Variants in PDE1C observed in about 807,000 individuals in gnomAD.
PDE1C encodes the protein phosphodiesterase 1C.
PDE1C carries 62 observed loss-of-function variants against 93.1 expected under a neutral mutation model. The ratio of observed to expected loss-of-function variants is 0.67; its 90% CI spans 0.54 to 0.82. The LOEUF (loss-of-function observed/expected upper bound fraction) is 0.82. PDE1C is among the 40% of genes least tolerant of loss of function. The pLI is 0.00. For synonymous variants in PDE1C, 325 were observed against 310.1 expected (o/e 1.05, Z -0.50); for missense variants, 742 against 884.6 (o/e 0.84, Z 2.04).
intron 14 of PDE1C, among the ~76,000 whole-genome samples, chr7:31,822,354 C>T (rs549184994): frequency 1.3e-5 from 2 of 152,188 alleles, no homozygotes; most frequent in African/African-American, 4.8e-5. Flanking sequence ...GCTACCTGTG[C>T]ACAAGGGCAT....
chr7:32,125,203 A>G (rs923694468), intron 3 of PDE1C, among the ~76,000 whole-genome samples: 2 of 152,200 alleles, frequency 1.3e-5, no homozygotes, highest in African/African-American at 2.4e-5. Flanking sequence ...GCAATTATTA[A>G]AAAGTCAAGA....
chr7:31,626,453 T>G, the PDE1C span, among the ~76,000 whole-genome samples: 1 of 152,174 alleles, frequency 6.6e-6, no homozygotes, highest in African/African-American at 2.4e-5. Flanking sequence ...TAGAAGTAAG[T>G]TTTCCCACTA....
downstream of PDE1C, among the ~76,000 whole-genome samples, chr7:31,749,559 G>C (rs374694941): frequency 6.6e-6 from 1 of 152,040 alleles, no homozygotes; most frequent in African/African-American, 2.4e-5. Flanking sequence ...TGTGGTGTAG[G>C]GGGTGAGAAG....
chr7:32,176,438 T>G (rs1802991401), intron 2 of PDE1C, among the ~76,000 whole-genome samples: 1 of 152,212 alleles, frequency 6.6e-6, no homozygotes, highest in Non-Finnish European at 1.5e-5. Flanking sequence ...TGGGAATAAG[T>G]AAGACAGGTT....
At chr7:31,856,831 G>A (rs917301101) in intron 7 of PDE1C, among the ~76,000 whole-genome samples, 4 of 152,232 alleles carry the variant, frequency 2.6e-5, no homozygotes, top group South Asian at 2.1e-4. Flanking sequence ...CACGGGCTGC[G>A]TGGCTTAAAC....
chr7:31,946,766 T>G (rs935604394), intron 2 of PDE1C, among the ~76,000 whole-genome samples: 7 of 152,186 alleles, frequency 4.6e-5, no homozygotes, highest in African/African-American at 1.7e-4. Flanking sequence ...AACTTGTCTT[T>G]TCTCATTCTT....
In PDE1C at chr7:31,983,884, C is replaced by T. The variant is rs371397099; in HGVS notation, c.128+67670G>A. 1.2e-4 allele frequency among the ~76,000 whole-genome samples: 19 copies of T among 152,192 alleles called. 3 individuals are homozygous for T. The highest frequency in any genetic ancestry group is 1.9e-4 in the East Asian group (1 of 5,170). On this transcript the variant is annotated intron_variant, in intron 2 of 17. Transcript: ENST00000396191. Reference sequence around the variant, plus strand: ...TCACATGCAGGGGCTCTTCTGAGCTCGGGCTGTTGAATCCAGGCCTGACCA... The same window carrying T: ...TCACATGCAGGGGCTCTTCTGAGCTTGGGCTGTTGAATCCAGGCCTGACCA...
intron 6 of PDE1C, among the ~76,000 whole-genome samples, chr7:31,866,947 AG>A (rs1276693029): frequency 6.6e-6 from 1 of 152,066 alleles, no homozygotes. Context: ...TGCTCCATAC[AG>A]GGAGCTCATG....
chr7:32,326,767 G>C (rs1339427851), intron 1 of PDE1C, among the ~76,000 whole-genome samples: 1 of 152,170 alleles, frequency 6.6e-6, no homozygotes, highest in Non-Finnish European at 1.5e-5. Flanking sequence ...AGAGCAATGG[G>C]GTAGCAGCTG....
intron 2 of PDE1C, among the ~76,000 whole-genome samples, chr7:31,896,261 A>G (rs149498173): frequency 5.8e-4 from 89 of 152,308 alleles, no homozygotes; most frequent in African/African-American, 1.9e-3. Context: ...TGTCTGCCCC[A>G]GGACCAAAGG....
intron 13 of PDE1C, 30 bp from the exon 14 acceptor site, chr7:31,823,278 G>C: frequency 6.3e-7 from 1 of 1,580,470 alleles, no homozygotes; most frequent in Non-Finnish European, 8.6e-7. Flanking sequence ...TACCAAAGAA[G>C]AGAGTTAGTG....
At chr7:31,984,651 TAGA>T (rs1187733066) in intron 2 of PDE1C, among the ~76,000 whole-genome samples, 1 of 152,226 alleles carries the variant, frequency 6.6e-6, no homozygotes, top group African/African-American at 2.4e-5. Flanking sequence ...TGGTTTTGCC[TAGA>T]AGATTTAGAA....
chr7:31,933,424 T>C (rs1281711095), intron 2 of PDE1C, among the ~76,000 whole-genome samples: 1 of 152,180 alleles, frequency 6.6e-6, no homozygotes, highest in African/African-American at 2.4e-5. Context: ...TTTTCCAGAA[T>C]AGAGGAGCCT....
chr7:31,770,287 T>C (rs1795400936), intron 17 of PDE1C, among the ~76,000 whole-genome samples: 2 of 152,230 alleles, frequency 1.3e-5, no homozygotes, highest in South Asian at 4.1e-4. Flanking sequence ...CTTTACATAT[T>C]CTGGATACAA....
chr7:32,178,009 C>T (rs1390785185), intron 2 of PDE1C, among the ~76,000 whole-genome samples: 2 of 152,174 alleles, frequency 1.3e-5, no homozygotes, highest in Non-Finnish European at 2.9e-5. Flanking sequence ...AAGGTAACTC[C>T]ACAGGGAATT....
chr7:31,690,629 A>G, the PDE1C span, among the ~76,000 whole-genome samples: 1 of 152,234 alleles, frequency 6.6e-6, no homozygotes, highest in Non-Finnish European at 1.5e-5. Flanking sequence ...TATTTGACTC[A>G]AGAATCCAGA....
intron 3 of PDE1C, among the ~76,000 whole-genome samples, chr7:32,133,999 T>C (rs986702843): frequency 6.6e-6 from 1 of 151,884 alleles, no homozygotes; most frequent in African/African-American, 2.4e-5. Flanking sequence ...AAGAATACTA[T>C]ACCTGAAATT....
intron 2 of PDE1C, among the ~76,000 whole-genome samples, chr7:31,883,306 G>A (rs1456997192): frequency 6.6e-6 from 1 of 152,172 alleles, no homozygotes; most frequent in East Asian, 1.9e-4. Flanking sequence ...TCTTCCAAGG[G>A]AGTGAATTCG....
chr7:31,664,798 T>C, the PDE1C span, among the ~76,000 whole-genome samples: 1 of 152,222 alleles, frequency 6.6e-6, no homozygotes, highest in Non-Finnish European at 1.5e-5. Context: ...TTCTATGTCT[T>C]GGGAAACTCA....
Sources: gnomAD v4.1 joint callset for allele counts (sites outside exome capture counted in the v4.1 genomes callset) on GRCh38, gnomAD v4.1.1 for gene constraint, MANE v1.5 for transcripts, NCBI Gene and HGNC (gene_info 2026-07-23, HGNC 2026-07-21) for gene names.